PARD6G: variants seen among roughly 807,000 people sequenced by gnomAD.
The protein encoded by PARD6G is partitioning defective 6 homolog gamma.
Under a neutral mutation model 10.7 loss-of-function variants are expected in PARD6G, and 7 were observed. The observed-to-expected ratio is 0.66, with a 90% CI of 0.37 to 1.23. The LOEUF is 1.23. Ranked by LOEUF, PARD6G falls within the 50% of genes most tolerant of loss-of-function variation. PARD6G has a pLI of 0.02. For missense variants in PARD6G, 548 were observed against 571.8 expected, an observed-to-expected ratio of 0.96 and a Z score of 0.42; for synonymous variants, 287 against 269.4, an observed-to-expected ratio of 1.07 and a Z score of -0.64.
Position 80,180,178 on chromosome 18 carries a change from C to T in PARD6G, c.296-19572G>A, listed in dbSNP as rs2052840985. ...GGCCATTGGTGTGTCAGCTGCTCAC[C>T]TGGGCTTGGGTGTCCAGGTCCTGAG... On this transcript the variant is annotated intron_variant, in intron 2 of 2. Transcript: ENST00000353265. This position sits in a 1 kb window ranked among gnomAD's most constrained non-coding sequence, Gnocchi z 5.6. Among the ~76,000 whole-genome samples the T allele has an allele frequency of 6.6e-6, 1 of 152,244 alleles. No individual in the cohort carries two copies. The highest frequency in any genetic ancestry group is 1.5e-5 in the Non-Finnish European group (1 of 68,034).
In PARD6G at chr18:80,247,257, G is replaced by A. The variant is rs768903064; in HGVS notation, c.72+20C>T. On this transcript the variant is annotated intron_variant, in intron 1 of 2. Transcript: ENST00000353265. This position sits in a 1 kb window ranked among gnomAD's most constrained non-coding sequence, Gnocchi z 4.2. ...CCAGGAGACTGGGCGCAGGGCCGCC[G>A]GGGCGGGCGGGGGGCTTACCTTGCT... is the stretch of plus-strand genomic sequence containing the variant. 9.0e-6 allele frequency: 14 copies of A among 1,563,900 alleles called. No individual in the cohort carries two copies. Among genetic ancestry groups the A allele is most frequent in the African/African-American group, 1.4e-5 (1 of 70,788 alleles).
chr18:80,245,797 C>A (rs1200887629), intron 1 of PARD6G, among the ~76,000 whole-genome samples: 1 of 152,072 alleles, frequency 6.6e-6, no homozygotes, highest in African/African-American at 2.4e-5. Context: ...CCACAGCTGG[C>A]ACACTTGATT....
rs1967004043 is a variant in PARD6G at position 80,201,183 on chromosome 18, C to A, written c.295+1527G>T. Reference sequence around the variant, plus strand: ...AGCCGAGTAAGAGGACAGAGGACGACAGGCAGAGGGGAACACGGGCTCATC... The same window carrying A: ...AGCCGAGTAAGAGGACAGAGGACGAAAGGCAGAGGGGAACACGGGCTCATC... On this transcript the variant is annotated intron_variant, in intron 2 of 2. Transcript: ENST00000353265. The surrounding 1 kb of genome is among the most constrained non-coding windows in gnomAD (Gnocchi z 5.9). Among the ~76,000 whole-genome samples the A allele has an allele frequency of 6.6e-6, 1 of 152,132 alleles. No homozygotes were observed. Among genetic ancestry groups the A allele is most frequent in the African/African-American group, 2.4e-5 (1 of 41,428 alleles).
rs1027788550 is a variant in PARD6G, at chr18:80,182,658, G to A, written c.295+20052C>T. Reference sequence around the variant, plus strand: ...AATAGCTTCCACAGGGAAAAAAGGTGCAAGTCCAACAGACACCCTTTCCAG... The same window carrying A: ...AATAGCTTCCACAGGGAAAAAAGGTACAAGTCCAACAGACACCCTTTCCAG... On this transcript the variant is annotated intron_variant, in intron 2 of 2. Coordinates refer to ENST00000353265, the MANE Select transcript of PARD6G (RefSeq NM_032510.4). This position sits in a 1 kb window ranked among gnomAD's most constrained non-coding sequence, Gnocchi z 4.5. Among the ~76,000 whole-genome samples the A allele has an allele frequency of 6.6e-6, 1 of 152,184 alleles. No individual in the cohort carries two copies. The highest frequency in any genetic ancestry group is 1.5e-5 in the Non-Finnish European group (1 of 68,034).
chr18:80,174,955 TA>T (rs71338093), intron 2 of PARD6G, among the ~76,000 whole-genome samples: 79 of 144,580 alleles, frequency 5.5e-4, no homozygotes, highest in South Asian at 4.0e-3. Context: ...TCTCAAAAAA[TA>T]AAAAAAAAAA....
At chr18:80,227,947 C>A (rs28758999) in intron 1 of PARD6G, among the ~76,000 whole-genome samples, 3,879 of 152,212 alleles carry the variant, frequency 0.025, 161 homozygotes, top group African/African-American at 0.089. Context: ...TGTTCTCTTG[C>A]GTGGCCGTGT....
intron 2 of PARD6G, chr18:80,178,075 G>T (rs1218328412): frequency 6.0e-6 from 1 of 167,078 alleles, no homozygotes; most frequent in Admixed American, 6.5e-5. Flanking sequence ...TTCTGTGCTT[G>T]ATTCTTGCAG....
In PARD6G at chr18:80,228,540, A is replaced by G. The variant is rs1599874484; in HGVS notation, c.72+18737T>C. 6.7e-6 allele frequency among the ~76,000 whole-genome samples: 1 copy of G among 148,698 alleles called. No homozygotes were observed. On this transcript the variant is annotated intron_variant, in intron 1 of 2. Coordinates refer to ENST00000353265, the MANE Select transcript of PARD6G (RefSeq NM_032510.4). This position sits in a 1 kb window ranked among gnomAD's most constrained non-coding sequence, Gnocchi z 4.6. ...AAGGTGCGCAGACTGTCTCTCGTCTAAGGTCCCAGACACCACAGGGTCTTG... is the reference window on the plus strand; with the variant it reads ...AAGGTGCGCAGACTGTCTCTCGTCTGAGGTCCCAGACACCACAGGGTCTTG...
rs8093843 is a variant in PARD6G, at chr18:80,228,730, A to T, written c.72+18547T>A. On this transcript the variant is annotated intron_variant, in intron 1 of 2. Coordinates refer to ENST00000353265, the MANE Select transcript of PARD6G (RefSeq NM_032510.4). The surrounding 1 kb of genome is among the most constrained non-coding windows in gnomAD (Gnocchi z 4.6). ...CTTCTCCACCAAAGACCTGCCTCACACCCCCAGGGGCCTGCCTCCCATCTA... is the reference window on the plus strand; with the variant it reads ...CTTCTCCACCAAAGACCTGCCTCACTCCCCCAGGGGCCTGCCTCCCATCTA... 6.9e-6 allele frequency among the ~76,000 whole-genome samples: 1 copy of T among 145,850 alleles called. No individual in the cohort carries two copies. The highest frequency in any genetic ancestry group is 2.6e-5 in the African/African-American group (1 of 38,626).
chr18:80,230,097 AG>A (rs1967340742), intron 1 of PARD6G, among the ~76,000 whole-genome samples: 1 of 152,220 alleles, frequency 6.6e-6, no homozygotes, highest in Non-Finnish European at 1.5e-5. Flanking sequence ...ATTCACTGGC[AG>A]GGGCTGAGAC....
At chr18:80,226,169 T>G (rs950692170) in intron 1 of PARD6G, among the ~76,000 whole-genome samples, 18 of 140,718 alleles carry the variant, frequency 1.3e-4, no homozygotes, top group African/African-American at 3.5e-4. Context: ...TTTTTTTTTT[T>G]TTTTTTTTTT....
At chr18:80,168,735 T>A (rs2052753773) in intron 2 of PARD6G, 1 of 168,476 alleles carries the variant, frequency 5.9e-6, no homozygotes, top group Non-Finnish European at 1.5e-5. Context: ...TTCAGCCTCC[T>A]GAGTAGCTGG....
At chr18:80,191,871 T>C (rs1966901086) in intron 2 of PARD6G, among the ~76,000 whole-genome samples, 1 of 152,182 alleles carries the variant, frequency 6.6e-6, no homozygotes, top group African/African-American at 2.4e-5. Context: ...TGTATACGTG[T>C]GATAATGAGG....
Position 80,182,953 on chromosome 18 carries a change from C to A in PARD6G, c.295+19757G>T, listed in dbSNP as rs2052855390. On this transcript the variant is annotated intron_variant, in intron 2 of 2. Transcript: ENST00000353265. This position sits in a 1 kb window ranked among gnomAD's most constrained non-coding sequence, Gnocchi z 4.5. ...ACACTGCAGGCCCCACACCACGCAG[C>A]CAGACGCCCCTCCCAGTCCTCCTTC... 1 of 617,364 alleles carries A rather than the reference C, an allele frequency of 1.6e-6. No homozygotes were observed. Among genetic ancestry groups the A allele is most frequent in the Non-Finnish European group, 2.9e-6 (1 of 343,748 alleles). 38.2% of individuals were successfully genotyped at this position (617,364 alleles called of 1,614,324 possible). A position where few individuals can be genotyped will look rare whatever the true frequency, so the allele number is the denominator to read the frequency against.
chr18:80,170,881 C>G (rs1431144860), intron 2 of PARD6G: 1 of 152,124 alleles, frequency 6.6e-6, no homozygotes, highest in Non-Finnish European at 1.5e-5. Flanking sequence ...AATGTTCTGC[C>G]AACACCCTTT....
chr18:80,245,345 G>A (rs1967532574), intron 1 of PARD6G, among the ~76,000 whole-genome samples: 1 of 152,208 alleles, frequency 6.6e-6, no homozygotes, highest in African/African-American at 2.4e-5. Context: ...TAACGCTCAT[G>A]TTAACCAACC....
At chr18:80,208,784 C>T (rs1967080141) in intron 1 of PARD6G, among the ~76,000 whole-genome samples, 1 of 152,052 alleles carries the variant, frequency 6.6e-6, no homozygotes, top group Admixed American at 6.6e-5. Context: ...CATTGCTGTG[C>T]CTGGCCTAGG....
chr18:80,226,846 T>A (rs1035610051), intron 1 of PARD6G, among the ~76,000 whole-genome samples: 7 of 152,220 alleles, frequency 4.6e-5, no homozygotes, highest in African/African-American at 1.4e-4. Flanking sequence ...AAATTTAAAA[T>A]TTTTAATTGC....
intron 1 of PARD6G, among the ~76,000 whole-genome samples, chr18:80,245,885 G>A (rs1231369265): frequency 6.6e-6 from 1 of 152,082 alleles, no homozygotes; most frequent in Non-Finnish European, 1.5e-5. Flanking sequence ...GTAAGGACAG[G>A]ATCTTATGAT....
Sources: gnomAD v4.1 joint callset for allele counts (sites outside exome capture counted in the v4.1 genomes callset) on GRCh38, gnomAD v4.1.1 for gene constraint, Gnocchi (gnomAD v3.1) non-coding constraint, MANE v1.5 for transcripts, NCBI Gene and HGNC (gene_info 2026-07-23, HGNC 2026-07-21) for gene names.